R3HDM2: variants seen among roughly 807,000 people sequenced by gnomAD.
R3HDM2 encodes R3H domain containing 2, also known as R3H domain-containing protein 2.
In R3HDM2, 38 loss-of-function variants were observed where a neutral mutation model predicts 124.5. The observed-to-expected ratio is 0.31, with a 90% confidence interval of 0.24 to 0.40. The LOEUF is 0.40. Among genes scored for constraint, R3HDM2 ranks in the 10% least tolerant of loss-of-function variants. The pLI is 1.00. For synonymous variants in R3HDM2, 391 were observed against 448.0 expected, an observed-to-expected ratio of 0.87 and a Z score of 1.61; for missense variants, 869 against 1,236.9, an observed-to-expected ratio of 0.70 and a Z score of 4.46.
At chr12:57,338,809 T>C (rs1371103549) in intron 2 of R3HDM2, among the ~76,000 whole-genome samples, 2 of 152,052 alleles carry the variant, frequency 1.3e-5, no homozygotes, top group African/African-American at 4.8e-5. Flanking sequence ...CTGCCATTTT[T>C]TTTTTTTCAA....
rs556973780 is a variant in R3HDM2, at chr12:57,427,981, A to G, written c.-106+2739T>C. Among the ~76,000 whole-genome samples the G allele has an allele frequency of 7.6e-4, 116 of 152,072 alleles. 1 individual carries two copies. The highest frequency in any genetic ancestry group is 2.8e-3 in the African/African-American group (115 of 41,516). ...AAAAATACAAAAAAATTAGCCAGGC[A>G]TGGTGGCAGGCACCTGTAATCCCAG... On this transcript the variant is annotated intron_variant, in intron 1 of 23. Coordinates refer to ENST00000402412, the MANE Select transcript of R3HDM2 (RefSeq NM_001394031.1).
rs182267853 is a variant in R3HDM2, at chr12:57,348,845, G to A, written c.-35-38382C>T. ...CTGCAGGCTGCAGTGAGCCGTGATC[G>A]CACCACTGCACTCCAACCTGAGCAA... is the stretch of plus-strand genomic sequence containing the variant. On this transcript the variant is annotated intron_variant, in intron 2 of 23. Coordinates refer to ENST00000402412, the MANE Select transcript of R3HDM2 (RefSeq NM_001394031.1). 2.2e-3 allele frequency among the ~76,000 whole-genome samples: 339 copies of A among 151,870 alleles called. 2 individuals are homozygous for A. Among genetic ancestry groups the A allele is most frequent in the African/African-American group, 7.2e-3 (299 of 41,396 alleles).
chr12:57,328,416 C>T (rs938958537), intron 2 of R3HDM2, among the ~76,000 whole-genome samples: 3 of 152,102 alleles, frequency 2.0e-5, no homozygotes, highest in African/African-American at 7.2e-5. Flanking sequence ...GCAACCACCA[C>T]CATTGATCAG....
Position 57,269,935 on chromosome 12 carries a change from T to A in R3HDM2, c.1404A>T (p.Glu468Asp). The A allele has an allele frequency of 6.2e-7, 1 of 1,614,146 alleles. No individual in the cohort carries two copies. Among genetic ancestry groups the A allele is most frequent in the Non-Finnish European group, 8.5e-7 (1 of 1,180,004 alleles). Residue 468 changes from glutamate to aspartate, a missense_variant, in exon 15 of 24, where the codon GAA becomes GAT. Transcript: ENST00000402412. The stretch of plus-strand genomic sequence containing the variant: ...ATAGAGCTGCAGATGGGTCAGCTGC[T>A]TCAGTAGAACCTTGGCGACTAAGGC... ...QMSLSRQGSTEAADPSAALFQ... is the reference protein window; with the variant it reads ...QMSLSRQGSTDAADPSAALFQ...
chr12:57,365,335 C>A (rs929119902), intron 2 of R3HDM2, among the ~76,000 whole-genome samples: 2 of 151,364 alleles, frequency 1.3e-5, no homozygotes, highest in Non-Finnish European at 2.9e-5. Context: ...TTATTTTATT[C>A]ACCTCTTTAA....
chr12:57,299,313 C>T (rs1481810092), intron 6 of R3HDM2, 39 bp downstream of exon 6: 1 of 1,514,064 alleles, frequency 6.6e-7, no homozygotes, highest in South Asian at 1.2e-5. Context: ...GTAAAGGGCA[C>T]TGCCCTAGAA....
At chr12:57,396,902 G>A (rs2067596884) in intron 1 of R3HDM2, among the ~76,000 whole-genome samples, 1 of 152,078 alleles carries the variant, frequency 6.6e-6, no homozygotes, top group Admixed American at 6.6e-5. Flanking sequence ...GATCAGCCTG[G>A]CCAATATGGT....
chr12:57,419,938 G>C (rs1350820090), intron 1 of R3HDM2, among the ~76,000 whole-genome samples: 1 of 151,774 alleles, frequency 6.6e-6, no homozygotes, highest in African/African-American at 2.4e-5. Flanking sequence ...CAACCAACCT[G>C]CCTTACGCTA....
chr12:57,259,246 G>C (rs1402212811), intron 19 of R3HDM2, among the ~76,000 whole-genome samples, 187 bp from the exon 20 acceptor site: 1 of 152,248 alleles, frequency 6.6e-6, no homozygotes, highest in Non-Finnish European at 1.5e-5. Flanking sequence ...ACCAGTAGAA[G>C]TTTGAGTGGA....
At chr12:57,299,570 G>T in intron 5 of R3HDM2, 92 bp from the exon 6 acceptor site, 1 of 1,290,578 alleles carries the variant, frequency 7.7e-7, no homozygotes, top group Non-Finnish European at 1.1e-6. Flanking sequence ...TCTTGGGGTG[G>T]CAGCTCTCTC....
rs767156237 is a variant in R3HDM2, at chr12:57,256,408, C to G, written c.2547+6G>C. ...TGGCCCTACAGTTGCTGGTGGACAC[C>G]CTTACCTGGTGCACCGTGTAAGTTG... is the stretch of plus-strand genomic sequence containing the variant. On this transcript the variant is annotated splice_donor_region_variant and intron_variant, in intron 22 of 23. Transcript: ENST00000402412. 1 of 1,566,570 alleles carries G rather than the reference C, an allele frequency of 6.4e-7. No homozygotes were observed. Among genetic ancestry groups the G allele is most frequent in the Non-Finnish European group, 8.7e-7 (1 of 1,152,364 alleles).
chr12:57,319,327 C>T (rs529951349), intron 2 of R3HDM2, among the ~76,000 whole-genome samples: 4 of 152,282 alleles, frequency 2.6e-5, no homozygotes, highest in East Asian at 1.9e-4. Flanking sequence ...TGAGCCACTA[C>T]GCCCAGCCTT....
intron 2 of R3HDM2, among the ~76,000 whole-genome samples, chr12:57,338,827 G>C (rs1274387043): frequency 6.6e-6 from 1 of 151,396 alleles, no homozygotes; most frequent in Non-Finnish European, 1.5e-5. Flanking sequence ...CAAAGGGAGA[G>C]AGAGAGAGAG....
chr12:57,396,465 TA>T (rs899229156), intron 1 of R3HDM2, among the ~76,000 whole-genome samples: 16 of 144,388 alleles, frequency 1.1e-4, no homozygotes, highest in South Asian at 2.2e-4. Flanking sequence ...ATAAATAAAA[TA>T]AAAAATAAAA....
intron 2 of R3HDM2, among the ~76,000 whole-genome samples, chr12:57,376,403 G>T (rs1452721103): frequency 6.6e-6 from 1 of 152,192 alleles, no homozygotes; most frequent in Non-Finnish European, 1.5e-5. Context: ...CAAACAACGG[G>T]AAGGGTACAG....
At position 57,334,650 on chromosome 12, in the gene R3HDM2, A is replaced by G. The variant is rs539566722; in HGVS notation, c.-35-24187T>C. ...ATGCAAATAACAAGGGATCCCAAAAACCCTGGAGATTTTTCCTTGTTGAAT... is the reference window on the plus strand; with the variant it reads ...ATGCAAATAACAAGGGATCCCAAAAGCCCTGGAGATTTTTCCTTGTTGAAT... On this transcript the variant is annotated intron_variant, in intron 2 of 23. Coordinates refer to ENST00000402412, the MANE Select transcript of R3HDM2 (RefSeq NM_001394031.1). Among the ~76,000 whole-genome samples, 5 of 152,162 alleles carry G rather than the reference A, an allele frequency of 3.3e-5. No individual in the cohort carries two copies. In the East Asian group the frequency reaches 9.6e-4, roughly 29 times the overall value.
At chr12:57,268,822 A>C in intron 17 of R3HDM2, 100 bp downstream of exon 17, 1 of 1,373,650 alleles carries the variant, frequency 7.3e-7, no homozygotes, top group Non-Finnish European at 9.9e-7. Context: ...AGTAGACACT[A>C]TTTTAGTATT....
At chr12:57,369,089 A>G (rs1278057340) in intron 2 of R3HDM2, among the ~76,000 whole-genome samples, 5 of 152,136 alleles carry the variant, frequency 3.3e-5, no homozygotes, top group African/African-American at 9.7e-5. Context: ...GCCTTTACTC[A>G]AGAACTTTCT....
At chr12:57,349,131 A>T (rs1452394431) in intron 2 of R3HDM2, among the ~76,000 whole-genome samples, 2 of 152,086 alleles carry the variant, frequency 1.3e-5, no homozygotes, top group African/African-American at 4.8e-5. Flanking sequence ...CTGTAGTCCC[A>T]CCACTTTGGG....
Sources: allele counts gnomAD v4.1 joint callset (sites outside exome capture counted in the v4.1 genomes callset), GRCh38; gene constraint gnomAD v4.1.1; transcripts MANE v1.5; gene names NCBI Gene and HGNC (gene_info 2026-07-23, HGNC 2026-07-21).